The following XRCC6 variants were observed in gnomAD, a reference collection of about 807,000 sequenced individuals.
XRCC6 encodes X-ray repair cross complementing 6.
A neutral mutation model predicts 65.7 loss-of-function variants in XRCC6; 5 were observed. The observed-to-expected ratio is 0.08, with a 90% CI of 0.04 to 0.16. XRCC6 has a LOEUF of 0.16. XRCC6 is among the 10% of genes least tolerant of loss of function. The pLI is 1.00. For synonymous variants in XRCC6, 270 were observed against 270.6 expected (o/e 1.00, Z 0.02); for missense variants, 447 against 738.1 (o/e 0.61, Z 4.57).
intron 6 of XRCC6, among the ~76,000 whole-genome samples, chr22:41,639,802 A>G (rs529144114): frequency 1.3e-5 from 2 of 150,700 alleles, no homozygotes; most frequent in Non-Finnish European, 3.0e-5. Context: ...AGCTGGGACT[A>G]CAGGCGCCTG....
intron 7 of XRCC6, among the ~76,000 whole-genome samples, chr22:41,647,430 A>G (rs1400258403): frequency 2.0e-5 from 3 of 151,926 alleles, no homozygotes; most frequent in Non-Finnish European, 4.4e-5. Context: ...AAAAATACAA[A>G]ATGAGCTGGG....
intron 9 of XRCC6, 44 bp from the exon 10 acceptor site, chr22:41,656,859 A>G (rs756433921): frequency 6.2e-7 from 1 of 1,610,764 alleles, no homozygotes; most frequent in Non-Finnish European, 8.5e-7. Context: ...AAGTGACTGC[A>G]ACACTTGAAG....
chr22:41,623,144 C>A (rs1398157517), intron 2 of XRCC6, among the ~76,000 whole-genome samples: 1 of 151,834 alleles, frequency 6.6e-6, no homozygotes, highest in Non-Finnish European at 1.5e-5. Context: ...GTGGTGAGAT[C>A]ATCGTAGCTC....
intron 7 of XRCC6, among the ~76,000 whole-genome samples, chr22:41,649,095 C>G (rs80041206): frequency 0.018 from 2,287 of 129,788 alleles, 68 homozygotes; most frequent in African/African-American, 0.062. Context: ...ATTAGCCAGG[C>G]GTGGTGGTGC....
chr22:41,649,650 C>T lies in XRCC6; in HGVS notation c.961-1073C>T, dbSNP rs1252751598. On this transcript the variant is annotated intron_variant, in intron 7 of 12. Coordinates refer to ENST00000360079, the MANE Select transcript of XRCC6 (RefSeq NM_001469.5). ...CGGGCGGATCACGAGGTCAGGAGAT[C>T]GAGACCATCCCGGCTAACACAGTGA... Among the ~76,000 whole-genome samples the T allele has an allele frequency of 4.0e-5, 6 of 151,334 alleles. 1 individual carries two copies. Among genetic ancestry groups the T allele is most frequent in the African/African-American group, 7.3e-5 (3 of 41,154 alleles).
intron 6 of XRCC6, among the ~76,000 whole-genome samples, chr22:41,642,392 T>G (rs2067888637): frequency 6.6e-6 from 1 of 152,190 alleles, no homozygotes; most frequent in Admixed American, 6.5e-5. Flanking sequence ...ATGGATAGTT[T>G]CCAGATATTT....
chr22:41,622,838 G>T (rs2067625079), intron 2 of XRCC6, among the ~76,000 whole-genome samples: 1 of 151,810 alleles, frequency 6.6e-6, no homozygotes, highest in Non-Finnish European at 1.5e-5. Context: ...CCAGCTGCTC[G>T]GGAGGCTGAG....
chr22:41,649,160 A>ATATATATATATG (rs1376197191), intron 7 of XRCC6, among the ~76,000 whole-genome samples: 96 of 125,814 alleles, frequency 7.6e-4, no homozygotes, highest in African/African-American at 2.5e-3. Flanking sequence ...ATATATATAT[A>ATATATATATATG]TATGTATGTA....
intron 3 of XRCC6, among the ~76,000 whole-genome samples, chr22:41,631,534 G>T (rs538170205): frequency 7.6e-5 from 11 of 143,914 alleles, no homozygotes; most frequent in African/African-American, 2.9e-4. Context: ...CAGACGGGGC[G>T]GCGGGGCAAA....
At chr22:41,651,361 A>AT (rs764795746) in intron 8 of XRCC6, among the ~76,000 whole-genome samples, 3 of 49,674 alleles carry the variant, frequency 6.0e-5, no homozygotes, top group African/African-American at 1.2e-4. Context: ...AGTTAAACAG[A>AT]TTTTTTTTTT....
intron 3 of XRCC6, among the ~76,000 whole-genome samples, chr22:41,633,243 C>A (rs980132384): frequency 3.9e-5 from 6 of 152,166 alleles, no homozygotes; most frequent in African/African-American, 1.2e-4. Context: ...GACTACAGAA[C>A]CTTGCCCCAC....
chr22:41,650,934 G>A (rs1312192014), intron 8 of XRCC6, 43 bp downstream of exon 8: 1 of 1,608,976 alleles, frequency 6.2e-7, no homozygotes, highest in Admixed American at 1.7e-5. Flanking sequence ...AACACACAGT[G>A]CAGTTTACGG....
chr22:41,663,517 A>T, intron 12 of XRCC6, 105 bp from the exon 13 acceptor site: 1 of 1,307,080 alleles, frequency 7.7e-7, no homozygotes, highest in Non-Finnish European at 1.1e-6. Context: ...TCACAGCTTT[A>T]TGGTTAATTG....
chr22:41,631,924 G>C (rs1185576336), intron 3 of XRCC6, among the ~76,000 whole-genome samples: 3 of 152,204 alleles, frequency 2.0e-5, no homozygotes, highest in African/African-American at 7.2e-5. Context: ...TTAGGAGCTG[G>C]AGACCAGCCT....
intron 3 of XRCC6, among the ~76,000 whole-genome samples, chr22:41,628,627 G>A (rs1422482827): frequency 6.6e-6 from 1 of 152,106 alleles, no homozygotes; most frequent in Non-Finnish European, 1.5e-5. Flanking sequence ...GGGGAAGATG[G>A]CTACAATAAA....
At chr22:41,640,050 G>A (rs1437340690) in intron 6 of XRCC6, among the ~76,000 whole-genome samples, 4 of 151,954 alleles carry the variant, frequency 2.6e-5, no homozygotes, top group Non-Finnish European at 5.9e-5. Flanking sequence ...TATTTATTAA[G>A]AGACGGTGTC....
At chr22:41,639,716 G>A (rs1429844037) in intron 6 of XRCC6, among the ~76,000 whole-genome samples, 1 of 132,904 alleles carries the variant, frequency 7.5e-6, no homozygotes, top group African/African-American at 2.9e-5. Flanking sequence ...GGGCTGGAGT[G>A]CAGTGGTGCG....
intron 3 of XRCC6, among the ~76,000 whole-genome samples, chr22:41,631,347 C>T (rs908834512): frequency 3.3e-4 from 50 of 150,854 alleles, no homozygotes; most frequent in African/African-American, 1.1e-3. Flanking sequence ...GGCTGCCGGG[C>T]GGAGGGGCTC....
chr22:41,638,794 A>AG (rs1392398604), intron 6 of XRCC6, among the ~76,000 whole-genome samples: 2 of 151,826 alleles, frequency 1.3e-5, no homozygotes, highest in Non-Finnish European at 2.9e-5. Flanking sequence ...AAAAAAAAAA[A>AG]AAAAGAAATA....
Sources: gnomAD v4.1 joint callset for allele counts (sites outside exome capture counted in the v4.1 genomes callset) on GRCh38, gnomAD v4.1.1 for gene constraint, MANE v1.5 for transcripts, NCBI Gene and HGNC (gene_info 2026-07-23, HGNC 2026-07-21) for gene names.